PRRC2B: variants seen among roughly 807,000 people sequenced by gnomAD.
PRRC2B encodes protein PRRC2B.
PRRC2B carries 68 observed loss-of-function variants against 242.3 expected under a neutral mutation model. That is an observed-to-expected ratio of 0.28 (90% CI 0.23 to 0.34). The LOEUF (loss-of-function observed/expected upper bound fraction) is 0.34, where lower values mean the gene tolerates loss of function less well. Ranked by LOEUF, PRRC2B falls within the 10% of genes least tolerant of loss-of-function variation. The probability of loss-of-function intolerance (pLI) is 1.00; values close to 1 mark genes in which losing one functional copy is unlikely to be tolerated. For missense variants in PRRC2B, 2,835 were observed against 2,954.8 expected (o/e 0.96, Z 0.94); for synonymous variants, 1,228 against 1,173.6 (o/e 1.05, Z -0.95).
intron 1 of PRRC2B, among the ~76,000 whole-genome samples, chr9:131,379,176 T>G (rs933772722): frequency 1.3e-5 from 2 of 152,202 alleles, no homozygotes; most frequent in Non-Finnish European, 2.9e-5. Context: ...TCTTTCCTTG[T>G]GTCTATCCAT....
In PRRC2B at chr9:131,485,014, G is replaced by C; in HGVS notation, c.5632G>C (p.Ala1878Pro). 6.2e-7 allele frequency: 1 copy of C among 1,612,954 alleles called. No homozygotes were observed. The highest frequency in any genetic ancestry group is 1.3e-5 in the African/African-American group (1 of 75,032). ...GCCGGAGCAGAGCTCTCCAGGCGGC[G>C]CTGGCTCAGGCATCCAGCCTCCATC... is the stretch of plus-strand genomic sequence containing the variant. ...SLPEQSSPGG[A>P]GSGIQPPSSV... The change falls in exon 25 of 32, where the codon GCT (alanine) becomes CCT (proline). Residue 1878 changes from alanine to proline, a missense_variant. Transcript: ENST00000683519.
At position 131,494,730 on chromosome 9, in the gene PRRC2B, G is replaced by C. The variant is rs1944284401; in HGVS notation, c.6555+244G>C. 6.6e-6 allele frequency among the ~76,000 whole-genome samples: 1 copy of C among 152,200 alleles called. No individual in the cohort carries two copies. The highest frequency in any genetic ancestry group is 2.4e-5 in the African/African-American group (1 of 41,444). On this transcript the variant is annotated intron_variant, in intron 31 of 31. Transcript: ENST00000683519. The surrounding 1 kb of genome is among the most constrained non-coding windows in gnomAD (Gnocchi z 4.3). ...GAGAAGGGAGGATGCTGATTCCTCTGAGGAGGTGGTGCTGGAAGGTGGACC... is the reference window on the plus strand; with the variant it reads ...GAGAAGGGAGGATGCTGATTCCTCTCAGGAGGTGGTGCTGGAAGGTGGACC...
rs1471079919 is a variant in PRRC2B at position 131,496,704 on chromosome 9, GAC to G, written c.*832_*833del. On this transcript the variant is annotated 3_prime_UTR_variant, in exon 32 of 32. Coordinates refer to ENST00000683519, the MANE Select transcript of PRRC2B (RefSeq NM_013318.4). The stretch of plus-strand genomic sequence containing the variant: ...CTTACAGGCAGCCCATGAAGTTGAT[GAC>G]AGTTTTAGCATGAGAATCACACAGG... 23 of 152,162 alleles carry G rather than the reference GAC, an allele frequency of 1.5e-4. No homozygotes were observed. The highest frequency in any genetic ancestry group is 1.5e-3 in the Admixed American group (23 of 15,280). 9.4% of individuals were successfully genotyped at this position (152,162 alleles called of 1,614,324 possible). A position where few individuals can be genotyped will look rare whatever the true frequency, so the allele number is the denominator to read the frequency against.
intron 29 of PRRC2B, 95 bp downstream of exon 29, chr9:131,491,675 C>A: frequency 8.2e-7 from 1 of 1,220,530 alleles, no homozygotes. Flanking sequence ...GTAGAAAGAG[C>A]CAGTGGCGTG....
Position 131,455,101 on chromosome 9 carries a change from T to G in PRRC2B, c.1146T>G (p.Ser382=). 6.2e-7 allele frequency: 1 copy of G among 1,613,778 alleles called. No homozygotes were observed. Residue 382 remains serine (S), a synonymous_variant, in exon 10 of 32, where the codon TCT becomes TCG. Coordinates refer to ENST00000683519, the MANE Select transcript of PRRC2B (RefSeq NM_013318.4). ...WAGLHEEVDY[S]EKLKFSDDEE... ...GCCTCCATGAAGAAGTGGACTATTC[T>G]GAGAAACTGAAGTTCAGTGATGATG... is the stretch of plus-strand genomic sequence containing the variant.
chr9:131,417,887 C>T (rs780351745), intron 1 of PRRC2B, among the ~76,000 whole-genome samples: 4 of 152,186 alleles, frequency 2.6e-5, no homozygotes, highest in Non-Finnish European at 5.9e-5. Flanking sequence ...TCCCCATGAT[C>T]GAGCATGACT....
At chr9:131,427,185 C>T (rs1359292078) in intron 1 of PRRC2B, among the ~76,000 whole-genome samples, 1 of 152,204 alleles carries the variant, frequency 6.6e-6, no homozygotes, top group Non-Finnish European at 1.5e-5. Context: ...CAGTCAATAC[C>T]TGTTAAATGA....
intron 28 of PRRC2B, chr9:131,490,407 T>C (rs2131481041): frequency 1.2e-5 from 6 of 517,184 alleles, no homozygotes; most frequent in Non-Finnish European, 1.9e-5. Flanking sequence ...AATGGCAGCA[T>C]CTTCCCATCA....
chr9:131,468,418 T>C (rs992912932), intron 13 of PRRC2B, among the ~76,000 whole-genome samples: 6 of 152,234 alleles, frequency 3.9e-5, no homozygotes, highest in African/African-American at 1.4e-4. Flanking sequence ...AACTATTTTA[T>C]TGGTGTCACC....
intron 1 of PRRC2B, among the ~76,000 whole-genome samples, chr9:131,405,411 AGCCCC>A (rs1437085145): frequency 2.0e-5 from 3 of 152,180 alleles, no homozygotes; most frequent in African/African-American, 7.2e-5. Context: ...GTTTTCTCAT[AGCCCC>A]GTCTTTCACA....
intron 26 of PRRC2B, chr9:131,486,394 A>G (rs148275895): frequency 1.4e-6 from 1 of 710,130 alleles, no homozygotes; most frequent in Non-Finnish European, 1.7e-6. Context: ...GCTGCTCCAG[A>G]CTCTGCTTAG....
intron 1 of PRRC2B, among the ~76,000 whole-genome samples, chr9:131,399,447 C>T (rs1018810833): frequency 6.6e-6 from 1 of 151,596 alleles, no homozygotes; most frequent in Non-Finnish European, 1.5e-5. Context: ...GGCGTGGTGG[C>T]GGGCGCCTGT....
chr9:131,480,080 C>T (rs953217750), intron 19 of PRRC2B, among the ~76,000 whole-genome samples: 2 of 152,082 alleles, frequency 1.3e-5, no homozygotes, highest in African/African-American at 4.8e-5. Flanking sequence ...CATGGACATT[C>T]GATATTTCAC....
At chr9:131,453,057 TC>T (rs1411195754) in intron 9 of PRRC2B, among the ~76,000 whole-genome samples, 1 of 152,256 alleles carries the variant, frequency 6.6e-6, no homozygotes, top group Non-Finnish European at 1.5e-5. Context: ...TATCTGTTCC[TC>T]CCTTTAATAC....
intron 1 of PRRC2B, among the ~76,000 whole-genome samples, chr9:131,409,794 G>T (rs922567087): frequency 1.3e-5 from 2 of 152,210 alleles, no homozygotes; most frequent in African/African-American, 4.8e-5. Context: ...TGATGTGTCA[G>T]TGGCCCTCAG....
intron 11 of PRRC2B, among the ~76,000 whole-genome samples, chr9:131,464,515 T>A (rs900045115): frequency 6.6e-6 from 1 of 152,172 alleles, no homozygotes; most frequent in Admixed American, 6.5e-5. Flanking sequence ...TCCTAAGAGC[T>A]TCCTTTGTTG....
chr9:131,471,105 A>T (rs1293168843), intron 14 of PRRC2B, 122 bp downstream of exon 14: 6 of 622,418 alleles, frequency 9.6e-6, no homozygotes, highest in Non-Finnish European at 1.7e-5. Flanking sequence ...CAAGTACACA[A>T]CTGGTCTGAG....
chr9:131,431,194 G>A (rs890829397), intron 2 of PRRC2B, among the ~76,000 whole-genome samples: 1 of 151,948 alleles, frequency 6.6e-6, no homozygotes, highest in African/African-American at 2.4e-5. Flanking sequence ...GCAGTGGTGT[G>A]ATCTTGGCTC....
chr9:131,478,642 G>GGCTGGGGGGGGGGC, intron 18 of PRRC2B, 23 bp downstream of exon 18: 2 of 482,036 alleles, frequency 4.1e-6, no homozygotes, highest in Non-Finnish European at 8.3e-6. Context: ...GGGTGGGGGG[G>GGCTGGGGGGGGGGC]CATGGGGCTG....
Sources: allele counts gnomAD v4.1 joint callset (sites outside exome capture counted in the v4.1 genomes callset), GRCh38; gene constraint gnomAD v4.1.1; non-coding constraint Gnocchi (gnomAD v3.1); transcripts MANE v1.5; gene names NCBI Gene and HGNC (gene_info 2026-07-23, HGNC 2026-07-21).